OR56A3: variants seen among roughly 807,000 people sequenced by gnomAD.
The protein encoded by OR56A3 is olfactory receptor 56A3.
OR56A3 carries 23 observed loss-of-function variants against 17.5 expected under a neutral mutation model. That is an observed-to-expected ratio of 1.32 (90% CI 0.95 to 1.87). OR56A3 has a LOEUF of 1.87. Ranked by LOEUF, OR56A3 falls within the 40% of genes most tolerant of loss-of-function variation. OR56A3 has a pLI of 0.00. For synonymous variants in OR56A3, 175 were observed against 150.6 expected, an observed-to-expected ratio of 1.16 and a Z score of -1.19; for missense variants, 366 against 380.1, an observed-to-expected ratio of 0.96 and a Z score of 0.31.
chr11:5,988,806 A>C, the OR56A3 span, among the ~76,000 whole-genome samples: 2 of 152,224 alleles, frequency 1.3e-5, no homozygotes, highest in African/African-American at 2.4e-5. Flanking sequence ...TCACCCTTGA[A>C]ATTTACTAAA....
At chr11:6,003,873 T>C in the OR56A3 span, among the ~76,000 whole-genome samples, 1 of 152,196 alleles carries the variant, frequency 6.6e-6, no homozygotes, top group African/African-American at 2.4e-5. Context: ...TAAGTAAAAT[T>C]ACCTATTCTT....
the OR56A3 span, among the ~76,000 whole-genome samples, chr11:6,004,083 T>C: frequency 6.6e-6 from 1 of 152,118 alleles, no homozygotes; most frequent in Admixed American, 6.5e-5. Context: ...CAGGGAGTCA[T>C]TGCAGGATAA....
chr11:5,994,771 CT>C, the OR56A3 span: 2 of 762,034 alleles, frequency 2.6e-6, no homozygotes, highest in Non-Finnish European at 2.4e-6. Flanking sequence ...CCTCAAAGGT[CT>C]TGAAGTAATG....
chr11:5,996,913 G>GA, the OR56A3 span, among the ~76,000 whole-genome samples: 1 of 152,238 alleles, frequency 6.6e-6, no homozygotes, highest in Non-Finnish European at 1.5e-5. Flanking sequence ...CCCAGACAGA[G>GA]AAGCAGGAAA....
the OR56A3 span, among the ~76,000 whole-genome samples, chr11:5,979,131 T>G: frequency 6.6e-6 from 1 of 151,820 alleles, no homozygotes; most frequent in African/African-American, 2.4e-5. Flanking sequence ...TTTTTTTTTT[T>G]TTTTAGGATT....
chr11:6,008,675 T>TA, the OR56A3 span, among the ~76,000 whole-genome samples: 1 of 152,008 alleles, frequency 6.6e-6, no homozygotes, highest in Non-Finnish European at 1.5e-5. Context: ...GTTGCGAGGA[T>TA]AAAATTCAAT....
chr11:6,000,249 G>A, the OR56A3 span: 1 of 151,874 alleles, frequency 6.6e-6, no homozygotes, highest in Admixed American at 6.6e-5. Flanking sequence ...TTAAGAAAAT[G>A]TGGCACATCT....
the OR56A3 span, among the ~76,000 whole-genome samples, chr11:6,016,746 G>A: frequency 6.7e-6 from 1 of 148,990 alleles, no homozygotes; most frequent in Non-Finnish European, 1.5e-5. Flanking sequence ...AGAGAACACA[G>A]ATAAATAATA....
chr11:5,986,915 A>C, the OR56A3 span: 1 of 1,612,604 alleles, frequency 6.2e-7, no homozygotes, highest in Non-Finnish European at 8.5e-7. Context: ...AAAGAGAAAA[A>C]AGAAACCAAA....
At chr11:5,966,734 T>C in the OR56A3 span, among the ~76,000 whole-genome samples, 4 of 152,038 alleles carry the variant, frequency 2.6e-5, no homozygotes, top group East Asian at 1.9e-4. Flanking sequence ...GGACTGAAAG[T>C]AGGATGAGAA....
downstream of OR56A3, among the ~76,000 whole-genome samples, chr11:5,954,878 G>T (rs1186664350): frequency 6.6e-6 from 1 of 152,178 alleles, no homozygotes; most frequent in East Asian, 1.9e-4. Context: ...AAAGACAGCA[G>T]ATCTTGGGGA....
chr11:5,948,767 G>A lies in OR56A3; in HGVS notation c.*473G>A, dbSNP rs548023629. On this transcript the variant is annotated 3_prime_UTR_variant, in exon 3 of 3. Coordinates refer to ENST00000641160, the MANE Select transcript of OR56A3 (RefSeq NM_001003443.3). ...GTGGAAAGTTGCTACTGGTCTGTAA[G>A]TAGGTCTTTTTCTCTCACCCTTCAA... 1 of 159,454 alleles carries A rather than the reference G, an allele frequency of 6.3e-6. No individual in the cohort carries two copies. The highest frequency in any genetic ancestry group is 1.8e-4 in the East Asian group (1 of 5,488). 9.9% of individuals were successfully genotyped at this position (159,454 alleles called of 1,614,324 possible).
chr11:5,982,137 T>C, the OR56A3 span, among the ~76,000 whole-genome samples: 1 of 152,058 alleles, frequency 6.6e-6, no homozygotes, highest in African/African-American at 2.4e-5. Flanking sequence ...CACTTACACG[T>C]GTGTTCAGGC....
At chr11:5,986,593 A>T in the OR56A3 span, 1 of 1,613,972 alleles carries the variant, frequency 6.2e-7, no homozygotes, top group South Asian at 1.1e-5. Context: ...CAGGCAGACG[A>T]TGTACCCAAT....
chr11:5,976,933 A>G, the OR56A3 span, among the ~76,000 whole-genome samples: 2 of 152,072 alleles, frequency 1.3e-5, no homozygotes, highest in Non-Finnish European at 2.9e-5. Flanking sequence ...TCTGTATTCA[A>G]TATTCATTCC....
At chr11:6,002,876 G>A in the OR56A3 span, 46 of 1,614,026 alleles carry the variant, frequency 2.9e-5, no homozygotes, top group Non-Finnish European at 3.5e-5. Context: ...CCATGGCCAG[G>A]AGGAAGAGAA....
the OR56A3 span, among the ~76,000 whole-genome samples, chr11:5,974,649 G>T: frequency 6.6e-6 from 1 of 152,192 alleles, no homozygotes; most frequent in East Asian, 1.9e-4. Flanking sequence ...AGTGTGTGTA[G>T]AACGACAGGC....
the OR56A3 span, among the ~76,000 whole-genome samples, chr11:5,964,111 T>G: frequency 6.6e-6 from 1 of 152,316 alleles, no homozygotes; most frequent in East Asian, 1.9e-4. Context: ...GGTTACTTAT[T>G]ATTTTCCTTA....
rs999267942 is a variant in OR56A3, at chr11:5,948,811, C to A, written c.*517C>A. ...CCTTCAACCACATCATTGCCTTTCT[C>A]TAGTTCTCTTTCTCCCCTCACCTCC... is the stretch of plus-strand genomic sequence containing the variant. On this transcript the variant is annotated 3_prime_UTR_variant, in exon 3 of 3. Coordinates refer to ENST00000641160, the MANE Select transcript of OR56A3 (RefSeq NM_001003443.3). 1 of 154,536 alleles carries A rather than the reference C, an allele frequency of 6.5e-6. No individual in the cohort carries two copies. The highest frequency in any genetic ancestry group is 1.9e-4 in the East Asian group (1 of 5,240). 9.6% of individuals were successfully genotyped at this position (154,536 alleles called of 1,614,324 possible). A position where few individuals can be genotyped will look rare whatever the true frequency, so the allele number is the denominator to read the frequency against.
Sources: gnomAD v4.1 joint callset for allele counts (sites outside exome capture counted in the v4.1 genomes callset) on GRCh38, gnomAD v4.1.1 for gene constraint, MANE v1.5 for transcripts, NCBI Gene and HGNC (gene_info 2026-07-23, HGNC 2026-07-21) for gene names.